Variants in ICA1 observed in about 807,000 individuals in gnomAD.
ICA1 encodes islet cell autoantigen 1.
ICA1 carries 40 observed loss-of-function variants against 71.0 expected under a neutral mutation model. The observed-to-expected ratio is 0.56, with a 90% CI of 0.44 to 0.73. ICA1 has a LOEUF of 0.73. Ranked by LOEUF, ICA1 falls within the 30% of genes least tolerant of loss-of-function variation. The probability of loss-of-function intolerance (pLI) is 0.00; values close to 1 mark genes in which losing one functional copy is unlikely to be tolerated. For synonymous variants in ICA1, 207 were observed against 209.5 expected (o/e 0.99, Z 0.10); for missense variants, 578 against 576.5 (o/e 1.00, Z -0.03).
In ICA1 at chr7:8,164,481, C is replaced by G. The variant is rs145767677; in HGVS notation, c.580-5829G>C. 1.6e-3 allele frequency among the ~76,000 whole-genome samples: 241 copies of G among 152,116 alleles called. 2 individuals are homozygous for G. In the East Asian group the frequency reaches 0.033, roughly 21 times the overall value. On this transcript the variant is annotated intron_variant, in intron 6 of 13. Coordinates refer to ENST00000402384, the MANE Select transcript of ICA1 (RefSeq NM_001136020.3). The stretch of plus-strand genomic sequence containing the variant: ...AGTGCTGGGGTGTGGAGGATGACTC[C>G]TCTGTACCTGACTACCCCAGACTTA...
intron 1 of ICA1, among the ~76,000 whole-genome samples, chr7:8,246,731 G>T (rs899525442): frequency 1.3e-5 from 2 of 152,170 alleles, no homozygotes; most frequent in East Asian, 3.8e-4. Context: ...GTGCTCCTGT[G>T]CAATAACTAT....
At chr7:8,177,325 ATT>A (rs912630677) in intron 6 of ICA1, among the ~76,000 whole-genome samples, 1 of 150,362 alleles carries the variant, frequency 6.7e-6, no homozygotes, top group East Asian at 1.9e-4. Flanking sequence ...CAGCTGGTGA[ATT>A]TTTTTTTTCT....
chr7:8,124,846 T>C (rs1433776159), intron 13 of ICA1, among the ~76,000 whole-genome samples: 1 of 151,952 alleles, frequency 6.6e-6, no homozygotes, highest in Non-Finnish European at 1.5e-5. Flanking sequence ...TGGAGTGTAG[T>C]GGCGTGATCT....
chr7:8,250,472 T>C (rs1410614120), intron 1 of ICA1, among the ~76,000 whole-genome samples: 2 of 152,178 alleles, frequency 1.3e-5, no homozygotes, highest in Admixed American at 1.3e-4. Context: ...TAACACGATT[T>C]TGATGAGTTT....
chr7:8,138,671 T>G (rs550468651), intron 12 of ICA1, among the ~76,000 whole-genome samples, 169 bp downstream of exon 12: 1 of 152,244 alleles, frequency 6.6e-6, no homozygotes, highest in Non-Finnish European at 1.5e-5. Context: ...CTACACATAC[T>G]ATTTTGTGCT....
intron 12 of ICA1, among the ~76,000 whole-genome samples, chr7:8,135,011 T>C (rs909705558): frequency 2.2e-5 from 3 of 137,494 alleles, no homozygotes; most frequent in East Asian, 2.2e-4. Flanking sequence ...TAAATATTTA[T>C]AGACTCTTTA....
At chr7:8,207,563 T>A (rs773413175) in intron 6 of ICA1, among the ~76,000 whole-genome samples, 4 of 152,202 alleles carry the variant, frequency 2.6e-5, no homozygotes, top group Non-Finnish European at 5.9e-5. Context: ...TTTTTAAAGC[T>A]GTTTTCTGTT....
chr7:8,260,862 C>G (rs1812066827), intron 1 of ICA1, among the ~76,000 whole-genome samples: 1 of 152,194 alleles, frequency 6.6e-6, no homozygotes, highest in South Asian at 2.1e-4. Context: ...TCTTATTTCA[C>G]TCCCTAACCA....
intron 2 of ICA1, 121 bp from the exon 3 acceptor site, chr7:8,232,876 A>G (rs1583553761): frequency 1.2e-6 from 1 of 803,354 alleles, no homozygotes; most frequent in Non-Finnish European, 1.8e-6. Context: ...ACATTGATAA[A>G]CGTATGAGCA....
intron 13 of ICA1, among the ~76,000 whole-genome samples, chr7:8,114,509 C>G (rs1197789744): frequency 2.6e-5 from 4 of 152,146 alleles, no homozygotes; most frequent in African/African-American, 9.7e-5. Context: ...AGCAACAGGC[C>G]CAAAAGTGTT....
Position 8,223,987 on chromosome 7 carries a change from CA to C in ICA1, c.257-2590del, listed in dbSNP as rs200360004. The stretch of plus-strand genomic sequence containing the variant: ...GCACAGATTTATGGATGATCCAACA[CA>C]TACGAGGCACAGTTCTTGCCACTGG... On this transcript the variant is annotated intron_variant, in intron 4 of 13. Transcript: ENST00000402384. This position sits in a 1 kb window ranked among gnomAD's most constrained non-coding sequence, Gnocchi z 4.1. 8.6e-3 allele frequency among the ~76,000 whole-genome samples: 1,305 copies of C among 152,324 alleles called. 17 individuals carry two copies. The highest frequency in any genetic ancestry group is 0.03 in the African/African-American group (1,251 of 41,576).
Position 8,128,147 on chromosome 7 carries a change from T to C in ICA1, c.1061-5A>G, listed in dbSNP as rs775056212. 8.7e-6 allele frequency: 14 copies of C among 1,613,374 alleles called. No homozygotes were observed. Among genetic ancestry groups the C allele is most frequent in the East Asian group, 2.2e-5 (1 of 44,882 alleles). On this transcript the variant is annotated splice_polypyrimidine_tract_variant and splice_region_variant and intron_variant, in intron 12 of 13. Coordinates refer to ENST00000402384, the MANE Select transcript of ICA1 (RefSeq NM_001136020.3). The stretch of plus-strand genomic sequence containing the variant: ...CTGCCACTGGTCCCAGGCAAGCTGA[T>C]TGAAGTAACAGAGAACAAAACGTCA...
intron 6 of ICA1, among the ~76,000 whole-genome samples, chr7:8,168,785 GA>G (rs1449386716): frequency 2.0e-5 from 3 of 152,126 alleles, no homozygotes; most frequent in Non-Finnish European, 4.4e-5. Context: ...AGTATGCAGA[GA>G]GGGTATCTGT....
chr7:8,187,384 T>C (rs1056628614), intron 6 of ICA1, among the ~76,000 whole-genome samples: 3 of 152,162 alleles, frequency 2.0e-5, no homozygotes, highest in African/African-American at 7.2e-5. Flanking sequence ...AGTAAAAATA[T>C]GGCATAAAAG....
At chr7:8,121,997 C>A (rs1015228229) in intron 13 of ICA1, among the ~76,000 whole-genome samples, 1 of 152,172 alleles carries the variant, frequency 6.6e-6, no homozygotes, top group Non-Finnish European at 1.5e-5. Flanking sequence ...AGCAGAAACA[C>A]CCTGACTGCT....
intron 6 of ICA1, among the ~76,000 whole-genome samples, chr7:8,217,320 T>A (rs577147633): frequency 1.3e-5 from 2 of 152,212 alleles, no homozygotes; most frequent in African/African-American, 4.8e-5. Context: ...TCAATCTATA[T>A]CTAGGTCAAG....
intron 6 of ICA1, among the ~76,000 whole-genome samples, chr7:8,181,741 A>G (rs1489330606): frequency 1.3e-5 from 2 of 152,210 alleles, no homozygotes; most frequent in Non-Finnish European, 2.9e-5. Flanking sequence ...CGTGGCTCAG[A>G]AAATAAGCCA....
intron 8 of ICA1, chr7:8,156,854 T>A: frequency 6.7e-7 from 1 of 1,502,862 alleles, no homozygotes; most frequent in Non-Finnish European, 8.8e-7. Flanking sequence ...CCCAGGAACA[T>A]GTATCTCAAG....
chr7:8,258,213 G>A lies in ICA1; in HGVS notation c.-80+3881C>T, dbSNP rs1237908592. Among the ~76,000 whole-genome samples, 6 of 152,126 alleles carry A rather than the reference G, an allele frequency of 3.9e-5. 1 individual carries two copies. The highest frequency in any genetic ancestry group is 1.9e-4 in the East Asian group (1 of 5,192). ...CTTTCCCTCTTTTACTCAGCTGTAC[G>A]CTCCTCCAGAGCATGGTGGGGTCTG... On this transcript the variant is annotated intron_variant, in intron 1 of 13. Transcript: ENST00000402384.
Sources: allele counts gnomAD v4.1 joint callset (sites outside exome capture counted in the v4.1 genomes callset), GRCh38; gene constraint gnomAD v4.1.1; non-coding constraint Gnocchi (gnomAD v3.1); transcripts MANE v1.5; gene names NCBI Gene and HGNC (gene_info 2026-07-23, HGNC 2026-07-21).